Variants in LIMCH1 observed in about 807,000 individuals in gnomAD.
LIMCH1 encodes the protein LIM and calponin homology domains-containing protein 1.
A neutral mutation model predicts 176.5 loss-of-function variants in LIMCH1; 113 were observed. The observed-to-expected ratio is 0.64, with a 90% CI of 0.55 to 0.75. The LOEUF is 0.75. LIMCH1 is among the 30% of genes least tolerant of loss of function. LIMCH1 has a pLI of 0.00. For missense variants in LIMCH1, 1,674 were observed against 1,814.9 expected (o/e 0.92, Z 1.41); for synonymous variants, 619 against 645.9 (o/e 0.96, Z 0.63).
chr4:41,627,373 A>G (rs957798506), intron 8 of LIMCH1, among the ~76,000 whole-genome samples: 5 of 152,166 alleles, frequency 3.3e-5, no homozygotes, highest in Non-Finnish European at 7.4e-5. Context: ...ACTATTGCCT[A>G]TCAGAGAACA....
At chr4:41,435,795 C>G (rs978399058) in intron 1 of LIMCH1, among the ~76,000 whole-genome samples, 1 of 152,108 alleles carries the variant, frequency 6.6e-6, no homozygotes, top group African/African-American at 2.4e-5. Flanking sequence ...AGATCAGGGT[C>G]TCATATAAAA....
intron 26 of LIMCH1, 135 bp from the exon 27 acceptor site, chr4:41,684,262 A>C (rs2153056950): frequency 1.5e-6 from 1 of 659,448 alleles, no homozygotes; most frequent in East Asian, 2.9e-5. Context: ...ATCTATTTTA[A>C]AATAGAATAA....
chr4:41,673,809 G>C (rs2095129611), intron 22 of LIMCH1, among the ~76,000 whole-genome samples: 1 of 152,220 alleles, frequency 6.6e-6, no homozygotes, highest in Non-Finnish European at 1.5e-5. Context: ...ATATGGACTT[G>C]TAAACAGGTA....
chr4:41,445,097 C>T (rs1355158867), intron 1 of LIMCH1, among the ~76,000 whole-genome samples: 4 of 151,688 alleles, frequency 2.6e-5, no homozygotes, highest in African/African-American at 9.7e-5. Context: ...CCTCCACCTC[C>T]CAGGTTCAAG....
At chr4:41,541,408 G>A (rs1178698629) in intron 1 of LIMCH1, among the ~76,000 whole-genome samples, 2 of 152,050 alleles carry the variant, frequency 1.3e-5, no homozygotes, top group Non-Finnish European at 2.9e-5. Context: ...CCCATCTCTT[G>A]GAAATACAAG....
chr4:41,645,348 A>C (rs2152926049), intron 15 of LIMCH1, among the ~76,000 whole-genome samples: 1 of 152,354 alleles, frequency 6.6e-6, no homozygotes, highest in Non-Finnish European at 1.5e-5. Flanking sequence ...AAAATATAGT[A>C]ACAATTATGT....
intron 5 of LIMCH1, among the ~76,000 whole-genome samples, chr4:41,618,207 A>G (rs1356127481): frequency 6.6e-6 from 1 of 152,212 alleles, no homozygotes; most frequent in Non-Finnish European, 1.5e-5. Flanking sequence ...GATTGTTTTC[A>G]ACCAGCATTG....
At position 41,646,684 on chromosome 4, in the gene LIMCH1, A is replaced by G. The variant is rs765681598; in HGVS notation, c.2611A>G (p.Met871Val). The G allele has an allele frequency of 3.1e-6, 5 of 1,614,066 alleles. No individual in the cohort carries two copies. In the African/African-American group the frequency reaches 6.7e-5, roughly 22 times the overall value. Reference sequence around the variant, plus strand: ...CTCCTTCCTGAATGACCCCAATCCCATGAAATACCTGCGGCAACAGTCACT... The same window carrying G: ...CTCCTTCCTGAATGACCCCAATCCCGTGAAATACCTGCGGCAACAGTCACT... ...LSSFLNDPNP[M>V]KYLRQQSLPP... Residue 871 changes from methionine to valine, a missense_variant, in exon 17 of 32, where the codon ATG becomes GTG. Coordinates refer to ENST00000503057, the MANE Select transcript of LIMCH1 (RefSeq NM_001330672.2).
chr4:41,685,572 C>T, intron 27 of LIMCH1, 138 bp from the exon 28 acceptor site: 1 of 979,068 alleles, frequency 1.0e-6, no homozygotes, highest in Non-Finnish European at 1.5e-6. Flanking sequence ...AGTGGCCTCT[C>T]TAACCACCAT....
At chr4:41,515,263 T>G (rs909628508) in intron 2 of LIMCH1, among the ~76,000 whole-genome samples, 1 of 152,252 alleles carries the variant, frequency 6.6e-6, no homozygotes, top group African/African-American at 2.4e-5. Context: ...TTTCTGCCTT[T>G]CCTTTGTCGG....
chr4:41,555,876 G>A (rs2081176245), intron 1 of LIMCH1, among the ~76,000 whole-genome samples: 1 of 152,044 alleles, frequency 6.6e-6, no homozygotes, highest in Admixed American at 6.6e-5. Flanking sequence ...TGAGTAGCTG[G>A]CACCACAGGC....
chr4:41,534,399 C>T (rs1187759425), upstream of LIMCH1, among the ~76,000 whole-genome samples: 1 of 152,150 alleles, frequency 6.6e-6, no homozygotes, highest in East Asian at 1.9e-4. Context: ...TGATGAAATA[C>T]AACAGATAAT....
At chr4:41,658,789 G>A (rs546413529) in intron 18 of LIMCH1, among the ~76,000 whole-genome samples, 6 of 152,112 alleles carry the variant, frequency 3.9e-5, no homozygotes, top group Non-Finnish European at 8.8e-5. Context: ...TTTTGGTCTG[G>A]TGAGGCTTTG....
At chr4:41,515,214 C>G (rs2152379129) in intron 2 of LIMCH1, among the ~76,000 whole-genome samples, 1 of 152,324 alleles carries the variant, frequency 6.6e-6, no homozygotes, top group South Asian at 2.1e-4. Context: ...CCAGCTGTGG[C>G]TGCGGTGATC....
chr4:41,655,666 T>C (rs1346133897), intron 18 of LIMCH1, among the ~76,000 whole-genome samples: 3 of 152,054 alleles, frequency 2.0e-5, no homozygotes, highest in Non-Finnish European at 4.4e-5. Flanking sequence ...TGATTCTTCC[T>C]GCAGCTCTTT....
At chr4:41,632,895 G>T in intron 11 of LIMCH1, 28 bp downstream of exon 11, 1 of 1,527,764 alleles carries the variant, frequency 6.5e-7, no homozygotes, top group Non-Finnish European at 8.8e-7. Flanking sequence ...CTGCCTTCCC[G>T]GGAGGTGAAG....
rs199742228 is a variant in LIMCH1, at chr4:41,521,722, C to T, written c.168-2687C>T. Among the ~76,000 whole-genome samples the T allele has an allele frequency of 1.8e-3, 277 of 152,188 alleles. 2 individuals are homozygous for T. The highest frequency in any genetic ancestry group is 6.4e-3 in the African/African-American group (264 of 41,548). On this transcript the variant is annotated intron_variant, in intron 2 of 26. Transcript: ENST00000313860. ...CAGCTGTCTTAGTCTTGAAAGTGAA[C>T]ATTATGGCTTTTTATTTTTTAATTT...
intron 1 of LIMCH1, among the ~76,000 whole-genome samples, chr4:41,467,013 A>G (rs2066221667): frequency 6.6e-6 from 1 of 152,148 alleles, no homozygotes; most frequent in Non-Finnish European, 1.5e-5. Flanking sequence ...GCATAGGTGG[A>G]ATCACACAGT....
intron 2 of LIMCH1, among the ~76,000 whole-genome samples, chr4:41,517,135 A>G (rs974287566): frequency 6.6e-6 from 1 of 152,198 alleles, no homozygotes; most frequent in African/African-American, 2.4e-5. Context: ...CTCCATCTTC[A>G]ACATACAACT....
Sources: gnomAD v4.1 joint callset for allele counts (sites outside exome capture counted in the v4.1 genomes callset) on GRCh38, gnomAD v4.1.1 for gene constraint, MANE v1.5 for transcripts, NCBI Gene and HGNC (gene_info 2026-07-23, HGNC 2026-07-21) for gene names.